The following COL19A1 variants were observed in gnomAD, a reference collection of about 807,000 sequenced individuals.
COL19A1 encodes the protein collagen alpha-1(XIX) chain.
Under a neutral mutation model 190.2 loss-of-function variants are expected in COL19A1, and 159 were observed. The ratio of observed to expected loss-of-function variants is 0.84; its 90% CI spans 0.73 to 0.95. The LOEUF (loss-of-function observed/expected upper bound fraction) is 0.95. COL19A1 is among the 40% of genes least tolerant of loss of function. COL19A1 has a pLI of 0.00. For synonymous variants in COL19A1, 509 were observed against 458.9 expected (o/e 1.11, Z -1.39); for missense variants, 1,418 against 1,431.9 (o/e 0.99, Z 0.16).
intron 14 of COL19A1, among the ~76,000 whole-genome samples, chr6:70,061,694 C>T (rs1411164612): frequency 2.0e-5 from 3 of 151,894 alleles, no homozygotes; most frequent in African/African-American, 7.3e-5. Flanking sequence ...GTTTTAGTAA[C>T]TCATGTTTAA....
Position 70,102,056 on chromosome 6 carries a change from T to C in COL19A1, c.1225-113T>C. ...TAAAAGTCATGTGGAATTGGAATTG[T>C]TTCTTAACTTTCTGTTCATTTTTAC... is the stretch of plus-strand genomic sequence containing the variant. On this transcript the variant is annotated intron_variant, in intron 15 of 50. Coordinates refer to ENST00000620364, the MANE Select transcript of COL19A1 (RefSeq NM_001858.6). The C allele has an allele frequency of 8.6e-6, 8 of 926,266 alleles. No homozygotes were observed. The South Asian group carries it at 1.2e-4, about 14-fold the overall frequency. The allele number at this position is 926,266 out of a possible 1,614,324, so 57.4% of individuals were successfully genotyped here.
chr6:69,991,780 C>T (rs762234398), intron 11 of COL19A1, among the ~76,000 whole-genome samples: 5 of 151,770 alleles, frequency 3.3e-5, no homozygotes, highest in South Asian at 4.1e-4. Context: ...TTATAGATTC[C>T]GGGTCTTAGA....
At chr6:70,029,179 A>G (rs1778890766) in intron 12 of COL19A1, among the ~76,000 whole-genome samples, 1 of 152,194 alleles carries the variant, frequency 6.6e-6, no homozygotes, top group African/African-American at 2.4e-5. Context: ...AATAACATTA[A>G]GTCATTGAAA....
chr6:69,868,888 G>A (rs1025598928), intron 1 of COL19A1, among the ~76,000 whole-genome samples: 1 of 152,204 alleles, frequency 6.6e-6, no homozygotes, highest in South Asian at 2.1e-4. Context: ...AATGGTTCTA[G>A]AGGCGGAAGA....
intron 5 of COL19A1, among the ~76,000 whole-genome samples, chr6:69,928,829 AT>A (rs1219695296): frequency 6.6e-6 from 1 of 152,152 alleles, no homozygotes; most frequent in East Asian, 1.9e-4. Context: ...TTGTGTACAT[AT>A]CCGTTGAAAT....
chr6:70,101,454 G>A (rs1783626632), intron 15 of COL19A1, among the ~76,000 whole-genome samples: 6 of 152,172 alleles, frequency 3.9e-5, no homozygotes, highest in Admixed American at 3.9e-4. Flanking sequence ...TTAGCTAGTT[G>A]TGAACTTGGG....
At chr6:70,171,300 C>T (rs143259630) in intron 40 of COL19A1, among the ~76,000 whole-genome samples, 1 of 152,292 alleles carries the variant, frequency 6.6e-6, no homozygotes, top group Admixed American at 6.5e-5. Context: ...TTAGCAACTT[C>T]CTTCACCACA....
chr6:69,936,722 T>C, intron 7 of COL19A1, 63 bp from the exon 8 acceptor site: 1 of 1,586,946 alleles, frequency 6.3e-7, no homozygotes, highest in Non-Finnish European at 8.6e-7. Context: ...TGGGAGCCAG[T>C]GTTTGGAACA....
intron 11 of COL19A1, among the ~76,000 whole-genome samples, chr6:70,009,583 G>A (rs1777855995): frequency 6.6e-6 from 1 of 151,976 alleles, no homozygotes; most frequent in Non-Finnish European, 1.5e-5. Flanking sequence ...TTTTGCAAAT[G>A]CAACAAATTT....
At chr6:70,055,781 T>TTAAAAAA (rs547910835) in intron 14 of COL19A1, among the ~76,000 whole-genome samples, 1 of 117,470 alleles carries the variant, frequency 8.5e-6, no homozygotes, top group African/African-American at 3.4e-5. Flanking sequence ...AACTCTGTAT[T>TTAAAAAA]AAAAAAAAAA....
At chr6:70,037,305 G>T (rs1276170722) in intron 14 of COL19A1, among the ~76,000 whole-genome samples, 1 of 151,838 alleles carries the variant, frequency 6.6e-6, no homozygotes. Flanking sequence ...ACAGGCACCT[G>T]CCACCATGCC....
At chr6:70,032,819 T>C (rs1195893771) in intron 12 of COL19A1, among the ~76,000 whole-genome samples, 2 of 152,114 alleles carry the variant, frequency 1.3e-5, no homozygotes, top group African/African-American at 4.8e-5. Context: ...AATAAATAAG[T>C]GAAAGAACAA....
chr6:70,088,666 T>A (rs1782729742), intron 15 of COL19A1, among the ~76,000 whole-genome samples: 1 of 147,480 alleles, frequency 6.8e-6, no homozygotes. Flanking sequence ...AATAGCCTTA[T>A]TTTTTTGTGC....
intron 16 of COL19A1, among the ~76,000 whole-genome samples, chr6:70,120,781 T>A (rs75629413): frequency 0.016 from 2,467 of 152,264 alleles, 24 homozygotes; most frequent in Middle Eastern, 0.031. Flanking sequence ...ATGCAAAGGT[T>A]TTATATTAGA....
intron 4 of COL19A1, among the ~76,000 whole-genome samples, chr6:69,925,335 A>T (rs1772294465): frequency 6.6e-6 from 1 of 152,204 alleles, no homozygotes. Flanking sequence ...CCATTTGTTA[A>T]ATAGGGTATC....
chr6:69,958,394 C>A (rs769124916), intron 9 of COL19A1, among the ~76,000 whole-genome samples: 1 of 152,140 alleles, frequency 6.6e-6, no homozygotes, highest in South Asian at 2.1e-4. Flanking sequence ...AGTGGACATA[C>A]TTCTGTGATG....
At chr6:69,879,990 A>T in intron 2 of COL19A1, 1 of 339,008 alleles carries the variant, frequency 2.9e-6, no homozygotes, top group Non-Finnish European at 5.3e-6. Flanking sequence ...AGTTATAAGT[A>T]TGGAAACTCA....
chr6:69,900,639 G>A (rs995187208), intron 4 of COL19A1, among the ~76,000 whole-genome samples: 5 of 152,042 alleles, frequency 3.3e-5, no homozygotes, highest in Non-Finnish European at 7.4e-5. Context: ...CCAATATTAG[G>A]TTTTTCAAGG....
At chr6:69,955,562 TGTGTAA>T (rs1774367908) in intron 9 of COL19A1, among the ~76,000 whole-genome samples, 1 of 146,468 alleles carries the variant, frequency 6.8e-6, no homozygotes, top group Admixed American at 6.8e-5. Flanking sequence ...TGTGTGTGTG[TGTGTAA>T]GAGAGAGAAA....
Sources: allele counts gnomAD v4.1 joint callset (sites outside exome capture counted in the v4.1 genomes callset), GRCh38; gene constraint gnomAD v4.1.1; transcripts MANE v1.5; gene names NCBI Gene and HGNC (gene_info 2026-07-23, HGNC 2026-07-21).